NUP188: variants seen among roughly 807,000 people sequenced by gnomAD.
NUP188 encodes the protein nucleoporin NUP188.
A neutral mutation model predicts 223.0 loss-of-function variants in NUP188; 97 were observed. The observed-to-expected ratio is 0.43, with a 90% CI of 0.37 to 0.51. The LOEUF (loss-of-function observed/expected upper bound fraction) is 0.51, where lower values mean the gene tolerates loss of function less well. NUP188 is among the 20% of genes least tolerant of loss of function. NUP188 has a pLI of 0.00. For missense variants in NUP188, 1,947 were observed against 2,175.6 expected (o/e 0.89, Z 2.09); for synonymous variants, 869 against 828.0 (o/e 1.05, Z -0.85).
chr9:128,980,597 C>T lies in NUP188; in HGVS notation c.1270-9C>T. 1 of 1,607,628 alleles carries T rather than the reference C, an allele frequency of 6.2e-7. No individual in the cohort carries two copies. Among genetic ancestry groups the T allele is most frequent in the Non-Finnish European group, 8.5e-7 (1 of 1,177,148 alleles). Reference sequence around the variant, plus strand: ...GTGAAGATCAGTGATTTGTCCCCTTCCACCACAGGAGCCAACTTCTGGCCT... The same window carrying T: ...GTGAAGATCAGTGATTTGTCCCCTTTCACCACAGGAGCCAACTTCTGGCCT... On this transcript the variant is annotated splice_polypyrimidine_tract_variant and intron_variant, in intron 13 of 43. Transcript: ENST00000372577.
Position 128,986,582 on chromosome 9 carries a change from C to G in NUP188, c.2101C>G (p.Gln701Glu). ...GGGGCAACTTGGTAGTACCCAGAGC[C>G]AAGGACTTGTACCCTGTGTAATGTT... ...VKGQLGSTQS[Q>E]GLVPCVMFVL... The change falls in exon 21 of 44, where the codon CAA becomes GAA. Residue 701 changes from glutamine (Q) to glutamate (E), a missense_variant. This residue lies in a region of NUP188 where 817 missense variants were observed against 865.8 expected (regional missense o/e 0.94). Transcript: ENST00000372577. 6.2e-7 allele frequency: 1 copy of G among 1,614,098 alleles called. No homozygotes were observed. Among genetic ancestry groups the G allele is most frequent in the Non-Finnish European group, 8.5e-7 (1 of 1,179,986 alleles).
rs1264812233 is a variant in NUP188 at position 128,958,819 on chromosome 9, T to C, written c.390T>C (p.Tyr130=). ...ALILKIADYY[Y]EERTCILRCV... ...TTCCTCAGATTGCAGATTATTATTA[T>C]GAAGAAAGAACCTGTATTCTTCGTT... The change falls in exon 7 of 44, where the codon TAT becomes TAC. Residue 130 remains tyrosine, a synonymous_variant. Coordinates refer to ENST00000372577, the MANE Select transcript of NUP188 (RefSeq NM_015354.3). 3 of 1,585,648 alleles carry C rather than the reference T, an allele frequency of 1.9e-6. No individual in the cohort carries two copies. The highest frequency in any genetic ancestry group is 2.6e-6 in the Non-Finnish European group (3 of 1,162,462).
intron 12 of NUP188, among the ~76,000 whole-genome samples, chr9:128,977,530 C>G (rs921394455): frequency 2.0e-5 from 3 of 152,164 alleles, no homozygotes; most frequent in Non-Finnish European, 4.4e-5. Flanking sequence ...TTGTTCTTGG[C>G]CAGGCACAGT....
At chr9:128,983,144 G>T in intron 17 of NUP188, 116 bp downstream of exon 17, 5 of 1,464,162 alleles carry the variant, frequency 3.4e-6, no homozygotes, top group Non-Finnish European at 3.8e-6. Context: ...ATATTCCTTG[G>T]TTTTCCTGTT....
At chr9:128,973,637 C>T (rs1307499066) in intron 12 of NUP188, among the ~76,000 whole-genome samples, 1 of 152,190 alleles carries the variant, frequency 6.6e-6, no homozygotes, top group African/African-American at 2.4e-5. Context: ...CCTGCCTCGG[C>T]CTCCCAAAGT....
In NUP188 at chr9:129,001,888, C is replaced by T. The variant is rs1371831719; in HGVS notation, c.4049C>T (p.Ala1350Val). The T allele has an allele frequency of 1.2e-6, 2 of 1,613,790 alleles. No homozygotes were observed. Among genetic ancestry groups the T allele is most frequent in the East Asian group, 4.5e-5 (2 of 44,888 alleles). ...LLTLARTQQG[A>V]TAVAGAGITQ... ...CCTGTCTTTCCCTCCTCCCAGGGAG[C>T]CACAGCAGTGGCTGGAGCTGGCATC... The change falls in exon 36 of 44, where the codon GCC becomes GTC. Residue 1350 changes from alanine (A) to valine (V), a missense_variant. Coordinates refer to ENST00000372577, the MANE Select transcript of NUP188 (RefSeq NM_015354.3).
chr9:128,962,280 G>A (rs1211478108), intron 8 of NUP188, among the ~76,000 whole-genome samples: 1 of 135,642 alleles, frequency 7.4e-6, no homozygotes, highest in African/African-American at 2.8e-5. Context: ...ACGGAGTCTC[G>A]CTCTGTCACC....
At chr9:128,965,214 T>A (rs1842011662) in intron 8 of NUP188, among the ~76,000 whole-genome samples, 1 of 152,160 alleles carries the variant, frequency 6.6e-6, no homozygotes, top group African/African-American at 2.4e-5. Flanking sequence ...CTAACAAAGT[T>A]TTAAATACTG....
In NUP188 at chr9:128,983,289, C is replaced by G. The variant is rs1842283470; in HGVS notation, c.1797-4C>G. 6.2e-7 allele frequency: 1 copy of G among 1,613,070 alleles called. No individual in the cohort carries two copies. The highest frequency in any genetic ancestry group is 1.3e-5 in the African/African-American group (1 of 74,994). On this transcript the variant is annotated splice_polypyrimidine_tract_variant and splice_region_variant and intron_variant, in intron 17 of 43. Coordinates refer to ENST00000372577, the MANE Select transcript of NUP188 (RefSeq NM_015354.3). ...TTGAGTATAGTGTATTGTTCTCCAACCAGGTTAACGACAGTGATCTCCCCA... is the reference window on the plus strand; with the variant it reads ...TTGAGTATAGTGTATTGTTCTCCAAGCAGGTTAACGACAGTGATCTCCCCA...
intron 32 of NUP188, among the ~76,000 whole-genome samples, 174 bp from the exon 33 acceptor site, chr9:128,998,998 G>A (rs10988173): frequency 0.086 from 13,110 of 151,686 alleles, 889 homozygotes; most frequent in East Asian, 0.2. Context: ...CTGGGATTAC[G>A]GGTGCGCGCT....
rs560336450 is a variant in NUP188 at position 128,997,783 on chromosome 9, C to T, written c.3352-368C>T. On this transcript the variant is annotated intron_variant, in intron 30 of 43. Transcript: ENST00000372577. ...GTCGCCAGGCTGGAGTGCAGTGGTG[C>T]GATCTCGGCTCACTGCAGCCTCCGC... Among the ~76,000 whole-genome samples, 518 of 152,196 alleles carry T rather than the reference C, an allele frequency of 3.4e-3. 4 individuals are homozygous for T. The highest frequency in any genetic ancestry group is 0.012 in the Admixed American group (179 of 15,288).
rs1327053844 is a variant in NUP188, at chr9:128,983,369, A to C, written c.1873A>C (p.Asn625His). ...VNCLTVLAAR[N>H]PAKVWTDLRH... ...CTGCTTAACTGTTTTGGCTGCCCGC[A>C]ATCCAGCAAAGGTGAGATGCCAGAT... is the stretch of plus-strand genomic sequence containing the variant. Residue 625 changes from asparagine (N) to histidine (H), a missense_variant, in exon 18 of 44, where the codon AAT becomes CAT. By Grantham distance (68) the Asn-to-His change is moderately conservative. Around this residue, in one of 3 missense-constraint regions of NUP188, gnomAD observed 817 missense variants for 865.8 expected, o/e 0.94. Transcript: ENST00000372577. 2.5e-6 allele frequency: 4 copies of C among 1,614,204 alleles called. No individual in the cohort carries two copies. The highest frequency in any genetic ancestry group is 3.4e-6 in the Non-Finnish European group (4 of 1,180,026).
intron 20 of NUP188, 29 bp downstream of exon 20, chr9:128,985,043 A>G: frequency 6.7e-7 from 1 of 1,502,996 alleles, no homozygotes; most frequent in South Asian, 1.1e-5. Context: ...CACAAAGGGC[A>G]GAAAAAGAAA....
rs1477754958 is a variant in NUP188, at chr9:128,994,458, G to A, written c.3087+16G>A. ...AACATCAGAGGTAAGCTGTGGCAGAGGGCAGGATGGTGGCTACAAGTCCCT... is the reference window on the plus strand; with the variant it reads ...AACATCAGAGGTAAGCTGTGGCAGAAGGCAGGATGGTGGCTACAAGTCCCT... On this transcript the variant is annotated intron_variant, in intron 28 of 43. Coordinates refer to ENST00000372577, the MANE Select transcript of NUP188 (RefSeq NM_015354.3). 3.1e-6 allele frequency: 5 copies of A among 1,593,478 alleles called. No individual in the cohort carries two copies. Among genetic ancestry groups the A allele is most frequent in the Non-Finnish European group, 3.4e-6 (4 of 1,161,784 alleles).
At chr9:128,973,901 T>C (rs1462213461) in intron 12 of NUP188, among the ~76,000 whole-genome samples, 1 of 152,096 alleles carries the variant, frequency 6.6e-6, no homozygotes, top group African/African-American at 2.4e-5. Flanking sequence ...TTTCTGTTTA[T>C]TTATTTATTT....
chr9:128,958,891 T>C lies in NUP188; in HGVS notation c.462T>C (p.Tyr154=). 6.3e-7 allele frequency: 1 copy of C among 1,582,222 alleles called. No homozygotes were observed. The highest frequency in any genetic ancestry group is 8.6e-7 in the Non-Finnish European group (1 of 1,158,220). Residue 154 remains tyrosine, a synonymous_variant, in exon 7 of 44, where the codon TAT becomes TAC. Transcript: ENST00000372577. Reference sequence around the variant, plus strand: ...ACTTCCAAGATGAAAGACACCCCTATAGGGTAAGCTTGTTTAGTCCTCTTG... The same window carrying C: ...ACTTCCAAGATGAAAGACACCCCTACAGGGTAAGCTTGTTTAGTCCTCTTG... ...LTYFQDERHP[Y]RVEYADCVDK...
chr9:128,949,377 G>A (rs1841743842), intron 2 of NUP188, 134 bp downstream of exon 2: 2 of 640,238 alleles, frequency 3.1e-6, no homozygotes, highest in Non-Finnish European at 5.5e-6. Context: ...TTGTTTCCCA[G>A]GCTGGAGTGC....
chr9:129,001,421 A>C, intron 34 of NUP188, 108 bp from the exon 35 acceptor site: 1 of 894,524 alleles, frequency 1.1e-6, no homozygotes. Context: ...CTCACTTAGC[A>C]ATGTGTGTAA....
At chr9:128,979,163 A>G in intron 12 of NUP188, 99 bp from the exon 13 acceptor site, 5 of 810,826 alleles carry the variant, frequency 6.2e-6, no homozygotes, top group Non-Finnish European at 8.2e-6. Flanking sequence ...TTTAGTGTTT[A>G]TTGGTGTTTT....
Sources: allele counts gnomAD v4.1 joint callset (sites outside exome capture counted in the v4.1 genomes callset), GRCh38; gene constraint gnomAD v4.1.1; regional missense constraint gnomAD v4.1.1; transcripts MANE v1.5; gene names NCBI Gene and HGNC (gene_info 2026-07-23, HGNC 2026-07-21).